TYW1: variants seen among roughly 807,000 people sequenced by gnomAD.
TYW1 encodes the protein tRNA-yW synthesizing protein 1 homolog, also known as S-adenosyl-L-methionine-dependent tRNA 4-demethylwyosine synthase TYW1.
A neutral mutation model predicts 96.2 loss-of-function variants in TYW1; 46 were observed. That is an observed-to-expected ratio of 0.48 (90% CI 0.38 to 0.61). The LOEUF (loss-of-function observed/expected upper bound fraction) is 0.61, where lower values mean the gene tolerates loss of function less well. Among genes scored for constraint, TYW1 ranks in the 20% least tolerant of loss-of-function variants. The pLI is 0.00. For missense variants in TYW1, 684 were observed against 909.6 expected (o/e 0.75, Z 3.19); for synonymous variants, 274 against 323.0 (o/e 0.85, Z 1.63).
At chr7:67,123,873 A>G (rs1172891433) in intron 13 of TYW1, among the ~76,000 whole-genome samples, 2 of 152,236 alleles carry the variant, frequency 1.3e-5, no homozygotes, top group South Asian at 2.1e-4. Context: ...TTTAATTACT[A>G]TGTCAAAAAG....
chr7:67,227,730 C>T (rs1801613222), intron 15 of TYW1, among the ~76,000 whole-genome samples: 1 of 152,084 alleles, frequency 6.6e-6, no homozygotes, highest in Admixed American at 6.6e-5. Flanking sequence ...GACTCAGGTG[C>T]ATTTCCAAGG....
At chr7:67,137,069 T>A (rs1291146261) in intron 13 of TYW1, among the ~76,000 whole-genome samples, 1 of 142,240 alleles carries the variant, frequency 7.0e-6, no homozygotes, top group Non-Finnish European at 1.5e-5. Flanking sequence ...CACCCTGGCC[T>A]CCCAAAGTTC....
chr7:67,047,673 A>G (rs1795228238), intron 7 of TYW1, among the ~76,000 whole-genome samples: 1 of 147,108 alleles, frequency 6.8e-6, no homozygotes, highest in South Asian at 2.1e-4. Flanking sequence ...GGTACATTTG[A>G]TTCTCTAAAG....
At chr7:67,000,209 T>TAC (rs1793335343) in intron 3 of TYW1, among the ~76,000 whole-genome samples, 1 of 152,196 alleles carries the variant, frequency 6.6e-6, no homozygotes, top group African/African-American at 2.4e-5. Context: ...GTGTTGGGAT[T>TAC]ACAGTCGTGA....
At chr7:67,053,672 T>C (rs1472853555) in intron 8 of TYW1, among the ~76,000 whole-genome samples, 1 of 152,154 alleles carries the variant, frequency 6.6e-6, no homozygotes, top group African/African-American at 2.4e-5. Context: ...TGAGCCACCA[T>C]GCCCATCCCA....
At chr7:67,077,325 G>T (rs528659996) in intron 10 of TYW1, among the ~76,000 whole-genome samples, 2 of 152,296 alleles carry the variant, frequency 1.3e-5, no homozygotes, top group Non-Finnish European at 2.9e-5. Context: ...TCTCCATATT[G>T]TTTTCCATAA....
At chr7:67,164,484 G>T (rs190437530) in intron 13 of TYW1, among the ~76,000 whole-genome samples, 94 of 152,160 alleles carry the variant, frequency 6.2e-4, no homozygotes, top group Middle Eastern at 3.4e-3. Flanking sequence ...GATGGCATGT[G>T]CCTGTAGTTC....
chr7:67,123,950 G>A (rs2116014421), intron 13 of TYW1, among the ~76,000 whole-genome samples: 1 of 152,292 alleles, frequency 6.6e-6, no homozygotes, highest in East Asian at 1.9e-4. Context: ...GATGGAAATG[G>A]GGAGAGTAAA....
At chr7:67,135,116 G>A (rs533284295) in intron 13 of TYW1, among the ~76,000 whole-genome samples, 49 of 152,020 alleles carry the variant, frequency 3.2e-4, no homozygotes, top group Non-Finnish European at 6.0e-4. Context: ...GTGACACCCT[G>A]TCTAGAATGG....
rs1459108842 is a variant in TYW1 at position 67,106,818 on chromosome 7, C to T, written c.1562+8100C>T. Among the ~76,000 whole-genome samples the T allele has an allele frequency of 2.0e-5, 3 of 152,178 alleles. No homozygotes were observed. The East Asian group carries it at 5.8e-4, about 29-fold the overall frequency. ...CTGTAAATCTAAAGCTTTTTGGCTGCTAGCAGGTTTATCATAAGAAGACAG... is the reference window on the plus strand; with the variant it reads ...CTGTAAATCTAAAGCTTTTTGGCTGTTAGCAGGTTTATCATAAGAAGACAG... On this transcript the variant is annotated intron_variant, in intron 12 of 15. Coordinates refer to ENST00000359626, the MANE Select transcript of TYW1 (RefSeq NM_018264.4).
chr7:67,159,658 C>T (rs1261541828), intron 13 of TYW1, among the ~76,000 whole-genome samples: 1 of 152,004 alleles, frequency 6.6e-6, no homozygotes, highest in African/African-American at 2.4e-5. Flanking sequence ...CCCAATCATT[C>T]AATATAGTCT....
chr7:67,048,193 CCCTAG>C (rs1261396216), intron 7 of TYW1, among the ~76,000 whole-genome samples: 27 of 146,870 alleles, frequency 1.8e-4, no homozygotes, highest in Non-Finnish European at 3.9e-4. Flanking sequence ...GGCCATCCTC[CCCTAG>C]GTACCCTTTG....
chr7:67,104,311 G>A (rs1797174014), intron 12 of TYW1, among the ~76,000 whole-genome samples: 1 of 152,192 alleles, frequency 6.6e-6, no homozygotes, highest in Non-Finnish European at 1.5e-5. Flanking sequence ...AAGCACGGCA[G>A]GGGAGGCCTC....
intron 15 of TYW1, among the ~76,000 whole-genome samples, chr7:67,201,715 C>T (rs997931442): frequency 1.3e-5 from 2 of 152,074 alleles, no homozygotes; most frequent in African/African-American, 4.8e-5. Flanking sequence ...CAGAGTGAGA[C>T]AGATGGTCAA....
rs564063658 is a variant in TYW1, at chr7:67,041,176, T to G, written c.985-8773T>G. Among the ~76,000 whole-genome samples, 9 of 152,208 alleles carry G rather than the reference T, an allele frequency of 5.9e-5. No individual in the cohort carries two copies. The East Asian group carries it at 1.5e-3, about 26-fold the overall frequency. ...GCTACCAGTTTTCATTTTTCATGAT[T>G]GTTAGGTTACAGCAGGGTGTTCAAA... On this transcript the variant is annotated intron_variant, in intron 7 of 15. Transcript: ENST00000359626.
intron 4 of TYW1, among the ~76,000 whole-genome samples, chr7:67,013,268 A>G (rs758510014): frequency 3.3e-5 from 5 of 151,834 alleles, no homozygotes; most frequent in African/African-American, 9.7e-5. Context: ...AACTACAGGC[A>G]CCCACTACCA....
intron 7 of TYW1, among the ~76,000 whole-genome samples, chr7:67,033,945 G>T (rs1311929579): frequency 6.6e-6 from 1 of 151,736 alleles, no homozygotes; most frequent in African/African-American, 2.4e-5. Flanking sequence ...TGCCCACCTC[G>T]GCCTCCCAGA....
At chr7:67,122,535 C>G (rs1388466575) in intron 13 of TYW1, among the ~76,000 whole-genome samples, 1 of 152,162 alleles carries the variant, frequency 6.6e-6, no homozygotes, top group Admixed American at 6.5e-5. Flanking sequence ...AATTCCAGGA[C>G]CTTAACACAG....
At chr7:67,086,159 G>A (rs1796543808) in intron 11 of TYW1, among the ~76,000 whole-genome samples, 1 of 151,968 alleles carries the variant, frequency 6.6e-6, no homozygotes, top group Admixed American at 6.6e-5. Context: ...GATGGCGGGA[G>A]GTGGGGTACA....
Sources: allele counts gnomAD v4.1 joint callset (sites outside exome capture counted in the v4.1 genomes callset), GRCh38; gene constraint gnomAD v4.1.1; transcripts MANE v1.5; gene names NCBI Gene and HGNC (gene_info 2026-07-23, HGNC 2026-07-21).